KIF27: variants seen among roughly 807,000 people sequenced by gnomAD.
KIF27 encodes kinesin-like protein KIF27.
In KIF27, 84 loss-of-function variants were observed where a neutral mutation model predicts 141.8. The ratio of observed to expected loss-of-function variants is 0.59; its 90% CI spans 0.50 to 0.71. The LOEUF (loss-of-function observed/expected upper bound fraction) is 0.71, where lower values mean the gene tolerates loss of function less well. Ranked by LOEUF, KIF27 falls within the 30% of genes least tolerant of loss-of-function variation. The probability of loss-of-function intolerance (pLI) is 0.00; values close to 1 mark genes in which losing one functional copy is unlikely to be tolerated. For missense variants in KIF27, 1,306 were observed against 1,628.4 expected (o/e 0.80, Z 3.41); for synonymous variants, 471 against 569.5 (o/e 0.83, Z 2.46).
chr9:83,871,472 ATTCTC>A (rs1950787407), intron 11 of KIF27, among the ~76,000 whole-genome samples: 1 of 152,160 alleles, frequency 6.6e-6, no homozygotes, highest in East Asian at 1.9e-4. Flanking sequence ...TAAGTGGGTT[ATTCTC>A]TTCTGCCTTT....
At chr9:83,839,383 G>C (rs1946302057) in intron 17 of KIF27, among the ~76,000 whole-genome samples, 1 of 152,164 alleles carries the variant, frequency 6.6e-6, no homozygotes, top group African/African-American at 2.4e-5. Flanking sequence ...AGTAAAAGAA[G>C]TAAGGATTCC....
intron 14 of KIF27, among the ~76,000 whole-genome samples, chr9:83,855,654 A>C (rs1025925769): frequency 9.2e-5 from 14 of 152,234 alleles, no homozygotes; most frequent in African/African-American, 3.4e-4. Context: ...TTGTAACAAA[A>C]GCAACTATGT....
intron 5 of KIF27, among the ~76,000 whole-genome samples, chr9:83,892,952 G>A (rs1052305587): frequency 2.0e-5 from 3 of 152,188 alleles, no homozygotes; most frequent in Admixed American, 6.5e-5. Context: ...AATTATAGTA[G>A]GGCTGGGCAC....
At chr9:83,853,889 G>A in intron 14 of KIF27, 54 bp from the exon 15 acceptor site, 1 of 1,280,242 alleles carries the variant, frequency 7.8e-7, no homozygotes, top group Non-Finnish European at 1.1e-6. Context: ...CTTTGACTTT[G>A]TCATATACTC....
rs529649238 is a variant in KIF27, at chr9:83,870,871, T to G, written c.2644-239A>C. Among the ~76,000 whole-genome samples the G allele has an allele frequency of 3.1e-4, 47 of 152,158 alleles. 1 individual carries two copies. The highest frequency in any genetic ancestry group is 1.1e-3 in the African/African-American group (44 of 41,516). On this transcript the variant is annotated intron_variant, in intron 11 of 17. Coordinates refer to ENST00000297814, the MANE Select transcript of KIF27 (RefSeq NM_017576.4). ...AAAGAGAAAATGAGTAGATGACAGT[T>G]GGGGCTCTATTTGAGAAGAAAATAA...
In KIF27 at chr9:83,914,304, G is replaced by A. The variant is rs185532659; in HGVS notation, c.298+990C>T. Among the ~76,000 whole-genome samples the A allele has an allele frequency of 3.8e-3, 580 of 151,442 alleles. 4 individuals carry two copies. Among genetic ancestry groups the A allele is most frequent in the Non-Finnish European group, 6.6e-3 (446 of 67,906 alleles). On this transcript the variant is annotated intron_variant, in intron 2 of 17. Coordinates refer to ENST00000297814, the MANE Select transcript of KIF27 (RefSeq NM_017576.4). ...TATTGTAAGACGCTGAAACAATCTA[G>A]TATCTGTGATCTCCTAATCCTGCAG...
intron 10 of KIF27, among the ~76,000 whole-genome samples, chr9:83,880,982 T>C (rs1951631809): frequency 6.6e-6 from 1 of 152,160 alleles, no homozygotes; most frequent in Admixed American, 6.5e-5. Flanking sequence ...TCTCCCTTTT[T>C]TCCTACTTAT....
intron 17 of KIF27, 111 bp downstream of exon 17, chr9:83,842,126 A>G (rs1946644970): frequency 1.6e-6 from 2 of 1,268,892 alleles, no homozygotes; most frequent in East Asian, 5.8e-5. Context: ...AAATAGAAGT[A>G]TCTAATCCTA....
chr9:83,836,871 A>G lies in KIF27; in HGVS notation c.*130T>C. 2 of 1,410,636 alleles carry G rather than the reference A, an allele frequency of 1.4e-6. No individual in the cohort carries two copies. Among genetic ancestry groups the G allele is most frequent in the South Asian group, 2.9e-5 (2 of 68,732 alleles). 87.4% of individuals were successfully genotyped at this position (1,410,636 alleles called of 1,614,324 possible). On this transcript the variant is annotated 3_prime_UTR_variant, in exon 18 of 18. Transcript: ENST00000297814. ...TGTACACATCTATAGCATATAAAAG[A>G]ATTAGGGATTCCTTCCTCCCCTTCT...
chr9:83,896,190 C>T (rs532495779), intron 5 of KIF27, among the ~76,000 whole-genome samples: 1 of 152,002 alleles, frequency 6.6e-6, no homozygotes, highest in South Asian at 2.1e-4. Flanking sequence ...TTGCAGTGAG[C>T]GGAGATTGTG....
intron 6 of KIF27, among the ~76,000 whole-genome samples, chr9:83,890,768 A>G (rs1952599552): frequency 6.6e-6 from 1 of 152,226 alleles, no homozygotes; most frequent in Non-Finnish European, 1.5e-5. Context: ...TGAATCTGCT[A>G]ATTACGTCTT....
chr9:83,911,735 G>C (rs1955189718), intron 2 of KIF27, among the ~76,000 whole-genome samples: 2 of 152,070 alleles, frequency 1.3e-5, no homozygotes, highest in South Asian at 4.1e-4. Context: ...GTAGAGATGG[G>C]GTTTCACCAT....
intron 16 of KIF27, among the ~76,000 whole-genome samples, chr9:83,846,322 C>T (rs1947270770): frequency 6.6e-6 from 1 of 152,178 alleles, no homozygotes; most frequent in African/African-American, 2.4e-5. Context: ...GCCAAGATTA[C>T]CATCCATGGA....
rs551732596 is a variant in KIF27 at position 83,867,874 on chromosome 9, A to T, written c.2758-14T>A. The T allele has an allele frequency of 2.5e-4, 375 of 1,522,112 alleles. No individual in the cohort carries two copies. The highest frequency in any genetic ancestry group is 7.6e-4 in the African/African-American group (54 of 70,748). 94.3% of individuals were successfully genotyped at this position (1,522,112 alleles called of 1,614,324 possible). A position where few individuals can be genotyped will look rare whatever the true frequency, so the allele number is the denominator to read the frequency against. On this transcript the variant is annotated splice_polypyrimidine_tract_variant and intron_variant, in intron 12 of 17. Coordinates refer to ENST00000297814, the MANE Select transcript of KIF27 (RefSeq NM_017576.4). ...CTCATCCAATTTCTACATTAAAATTAAAAAAAAAGTTACTTGTTTTTCCTT... is the reference window on the plus strand; with the variant it reads ...CTCATCCAATTTCTACATTAAAATTTAAAAAAAAGTTACTTGTTTTTCCTT...
intron 2 of KIF27, among the ~76,000 whole-genome samples, chr9:83,910,373 C>T (rs367672998): frequency 2.0e-5 from 3 of 152,294 alleles, no homozygotes; most frequent in South Asian, 4.1e-4. Context: ...AAATATCTTT[C>T]TCTTTAGATC....
intron 17 of KIF27, among the ~76,000 whole-genome samples, chr9:83,838,501 C>T (rs994014619): frequency 1.3e-5 from 2 of 152,180 alleles, no homozygotes; most frequent in Non-Finnish European, 2.9e-5. Context: ...TCCCAAAGTG[C>T]TGGGATTACA....
Position 83,886,530 on chromosome 9 carries a change from T to G in KIF27, c.2239+511A>C, listed in dbSNP as rs145736910. The stretch of plus-strand genomic sequence containing the variant: ...AATAACAGGACTATATTTTATCTAT[T>G]TTATAGATAAAATATCTATACTATA... On this transcript the variant is annotated intron_variant, in intron 9 of 17. Transcript: ENST00000297814. Among the ~76,000 whole-genome samples the G allele has an allele frequency of 3.8e-3, 579 of 152,194 alleles. 2 individuals carry two copies. Among genetic ancestry groups the G allele is most frequent in the African/African-American group, 0.014 (563 of 41,526 alleles).
chr9:83,907,198 G>A (rs1483122311), intron 3 of KIF27, among the ~76,000 whole-genome samples: 1 of 151,704 alleles, frequency 6.6e-6, no homozygotes, highest in African/African-American at 2.4e-5. Context: ...GCTGAGGCAG[G>A]AGAATGGCGT....
At position 83,859,225 on chromosome 9, in the gene KIF27, C is replaced by G; in HGVS notation, c.3081G>C (p.Lys1027Asn). 6.8e-6 allele frequency: 11 copies of G among 1,614,142 alleles called. No individual in the cohort carries two copies. The highest frequency in any genetic ancestry group is 9.3e-6 in the Non-Finnish European group (11 of 1,179,994). Residue 1027 changes from lysine to asparagine, a missense_variant, in exon 14 of 18, where the codon AAG (lysine) becomes AAC (asparagine). Lys to Asn is a moderately conservative substitution (Grantham distance 94). This residue lies in a region of KIF27 where 596 missense variants were observed against 751.6 expected (regional missense o/e 0.79). Coordinates refer to ENST00000297814, the MANE Select transcript of KIF27 (RefSeq NM_017576.4). Reference protein sequence around the residue: ...SEQVEVLQKEKDQLQKRRHNV... With the variant: ...SEQVEVLQKENDQLQKRRHNV... ...TGTGTCTGCGTTTCTGGAGCTGATC[C>G]TTTTCTTTCTGGAGGACTTCAACTT...
Sources: gnomAD v4.1 joint callset for allele counts (sites outside exome capture counted in the v4.1 genomes callset) on GRCh38, gnomAD v4.1.1 for gene constraint, gnomAD v4.1.1 regional missense constraint, MANE v1.5 for transcripts, NCBI Gene and HGNC (gene_info 2026-07-23, HGNC 2026-07-21) for gene names.